IARS1: variants seen among roughly 807,000 people sequenced by gnomAD.
The protein encoded by IARS1 is isoleucyl-tRNA synthetase 1, also known as isoleucine--tRNA ligase, cytoplasmic.
Under a neutral mutation model 168.2 loss-of-function variants are expected in IARS1, and 124 were observed. The observed-to-expected ratio is 0.74, with a 90% CI of 0.64 to 0.86. The LOEUF (loss-of-function observed/expected upper bound fraction) is 0.86, where lower values mean the gene tolerates loss of function less well. Ranked by LOEUF, IARS1 falls within the 40% of genes least tolerant of loss-of-function variation. The probability of loss-of-function intolerance (pLI) is 0.00; values close to 1 mark genes in which losing one functional copy is unlikely to be tolerated. For synonymous variants in IARS1, 532 were observed against 529.4 expected, an observed-to-expected ratio of 1.00 and a Z score of -0.07; for missense variants, 1,452 against 1,515.8, an observed-to-expected ratio of 0.96 and a Z score of 0.70.
In IARS1 at chr9:92,253,444, A is replaced by G; in HGVS notation, c.2147T>C (p.Leu716Pro). The change falls in exon 21 of 34, where the codon CTT becomes CCT. Residue 716 changes from leucine (L) to proline (P), a missense_variant. Physicochemically the swap from Leu to Pro is moderately conservative, Grantham distance 98 (BLOSUM62 -3). Transcript: ENST00000443024. ...FFETEMAAYR[L>P]YTVVPRLVKF... ...GACCAGGCGAGGCACCACAGTATAA[A>G]GCCTATAAGCTAAAAGTAAGACAAG... The G allele has an allele frequency of 6.2e-7, 1 of 1,611,820 alleles. No homozygotes were observed. The highest frequency in any genetic ancestry group is 1.1e-5 in the South Asian group (1 of 90,980).
intron 33 of IARS1, 82 bp downstream of exon 33, chr9:92,222,438 C>T (rs1839808914): frequency 3.1e-6 from 3 of 976,564 alleles, no homozygotes; most frequent in Non-Finnish European, 4.6e-6. Context: ...TACTATCTTA[C>T]ATGTATATGC....
intron 8 of IARS1, 45 bp downstream of exon 8, chr9:92,278,154 A>C (rs750143435): frequency 8.0e-6 from 10 of 1,243,350 alleles, no homozygotes; most frequent in Non-Finnish European, 8.3e-6. Context: ...AGACACACAT[A>C]CAGACACATG....
chr9:92,253,347 G>C lies in IARS1; in HGVS notation c.2229+15C>G. 1 of 1,555,340 alleles carries C rather than the reference G, an allele frequency of 6.4e-7. No individual in the cohort carries two copies. Among genetic ancestry groups the C allele is most frequent in the Non-Finnish European group, 8.9e-7 (1 of 1,127,164 alleles). ...CATACACTTTTTGCTTTTCCCAACAGCAGTCTGCACTTACCTTTAATCTTC... is the reference window on the plus strand; with the variant it reads ...CATACACTTTTTGCTTTTCCCAACACCAGTCTGCACTTACCTTTAATCTTC... On this transcript the variant is annotated intron_variant, in intron 21 of 33. Transcript: ENST00000443024.
intron 33 of IARS1, among the ~76,000 whole-genome samples, chr9:92,218,451 A>G: frequency 9.4e-6 from 1 of 106,140 alleles, no homozygotes; most frequent in African/African-American, 4.3e-5. Context: ...AAGGAAATAA[A>G]GGGTATTCAA....
chr9:92,224,447 A>T (rs963781702), intron 31 of IARS1, among the ~76,000 whole-genome samples: 3 of 152,192 alleles, frequency 2.0e-5, no homozygotes, highest in Non-Finnish European at 4.4e-5. Context: ...ACAGCCAGGG[A>T]CTCAAAGAAC....
At chr9:92,210,925 A>T (rs375523150) in intron 33 of IARS1, 36 bp from the exon 34 acceptor site, 1 of 1,305,052 alleles carries the variant, frequency 7.7e-7, no homozygotes, top group East Asian at 2.3e-5. Context: ...AAAAATCAGT[A>T]TTTTACCTAT....
chr9:92,223,326 T>G lies in IARS1; in HGVS notation c.3553+20A>C. 1.3e-6 allele frequency: 2 copies of G among 1,589,486 alleles called. No individual in the cohort carries two copies. The highest frequency in any genetic ancestry group is 1.7e-6 in the Non-Finnish European group (2 of 1,163,656). On this transcript the variant is annotated intron_variant, in intron 32 of 33. Coordinates refer to ENST00000443024, the MANE Select transcript of IARS1 (RefSeq NM_002161.6). ...AATGCCCAGCACCCCACAGTCTGCC[T>G]GCTGTGGGGAGGCACATACCTTGTG...
At chr9:92,283,126 A>G in intron 6 of IARS1, among the ~76,000 whole-genome samples, 1 of 152,134 alleles carries the variant, frequency 6.6e-6, no homozygotes, top group East Asian at 1.9e-4. Context: ...CAAGTCAAAA[A>G]AATTTTAAAA....
chr9:92,233,751 T>C (rs548418231), intron 30 of IARS1, among the ~76,000 whole-genome samples: 3 of 152,334 alleles, frequency 2.0e-5, no homozygotes, highest in African/African-American at 7.2e-5. Context: ...CAACATGTTT[T>C]ATTAGGTTTA....
In IARS1 at chr9:92,282,839, C is replaced by CAT. The variant is rs772428704; in HGVS notation, c.598-1948_598-1947dup. ...ATACTTACATATATACATACACACA[C>CAT]ATATATATATATATATATATATTTT... On this transcript the variant is annotated intron_variant, in intron 6 of 33. Coordinates refer to ENST00000443024, the MANE Select transcript of IARS1 (RefSeq NM_002161.6). Among the ~76,000 whole-genome samples the CAT allele has an allele frequency of 7.8e-3, 1,116 of 142,186 alleles. 7 individuals are homozygous for CAT. Among genetic ancestry groups the CAT allele is most frequent in the East Asian group, 0.015 (72 of 4,914 alleles). The allele number at this position is 142,186 out of a possible 152,430, so 93.3% of individuals were successfully genotyped here.
chr9:92,259,961 T>C (rs1367422055), intron 18 of IARS1, among the ~76,000 whole-genome samples, 190 bp downstream of exon 18: 1 of 152,152 alleles, frequency 6.6e-6, no homozygotes, highest in African/African-American at 2.4e-5. Flanking sequence ...GGTTTAAAAA[T>C]GCCTTTATTA....
intron 30 of IARS1, among the ~76,000 whole-genome samples, chr9:92,236,274 G>C (rs945089993): frequency 6.6e-6 from 1 of 152,050 alleles, no homozygotes; most frequent in Non-Finnish European, 1.5e-5. Flanking sequence ...ATAAGCCACC[G>C]TGCCCAGCCT....
At chr9:92,285,620 C>T in intron 6 of IARS1, 102 bp downstream of exon 6, 1 of 704,094 alleles carries the variant, frequency 1.4e-6, no homozygotes, top group Non-Finnish European at 2.5e-6. Context: ...TCGTGGGCAA[C>T]ATTCCACACT....
intron 10 of IARS1, 38 bp downstream of exon 10, chr9:92,274,388 A>G: frequency 6.7e-7 from 1 of 1,501,260 alleles, no homozygotes; most frequent in Non-Finnish European, 9.3e-7. Context: ...GTGGCTACCG[A>G]CATACTCAAA....
intron 30 of IARS1, among the ~76,000 whole-genome samples, chr9:92,236,693 A>G (rs1827589631): frequency 1.3e-5 from 2 of 152,192 alleles, no homozygotes; most frequent in East Asian, 1.9e-4. Context: ...ACAAAAAAAT[A>G]CAAAAATTCA....
At chr9:92,286,034 C>T in intron 5 of IARS1, 195 bp from the exon 6 acceptor site, 2 of 517,768 alleles carry the variant, frequency 3.9e-6, no homozygotes, top group Non-Finnish European at 7.0e-6. Context: ...ATGCTAATAT[C>T]TACTGATATC....
At chr9:92,273,828 G>T (rs1426953577) in intron 10 of IARS1, among the ~76,000 whole-genome samples, 2 of 152,234 alleles carry the variant, frequency 1.3e-5, no homozygotes, top group African/African-American at 2.4e-5. Context: ...AGAGGAATGT[G>T]TATGTAGGTG....
chr9:92,213,418 G>T (rs1838095751), intron 33 of IARS1, among the ~76,000 whole-genome samples: 1 of 152,170 alleles, frequency 6.6e-6, no homozygotes, highest in Non-Finnish European at 1.5e-5. Flanking sequence ...CCAAAGATAT[G>T]CCCAGGTTCT....
At chr9:92,231,000 A>G (rs999588035) in intron 30 of IARS1, among the ~76,000 whole-genome samples, 4 of 152,084 alleles carry the variant, frequency 2.6e-5, no homozygotes, top group African/African-American at 9.7e-5. Context: ...TTTGTCAAAT[A>G]TGTTGTTTTA....
Sources: gnomAD v4.1 joint callset for allele counts (sites outside exome capture counted in the v4.1 genomes callset) on GRCh38, gnomAD v4.1.1 for gene constraint, MANE v1.5 for transcripts, NCBI Gene and HGNC (gene_info 2026-07-23, HGNC 2026-07-21) for gene names.